Variants in CHD9 observed in about 807,000 individuals in gnomAD.
CHD9 encodes the protein chromodomain helicase DNA binding protein 9, also known as ATP-dependent chromatin remodeler CHD9.
In CHD9, 77 loss-of-function variants were observed where a neutral mutation model predicts 316.1. The ratio of observed to expected loss-of-function variants is 0.24; its 90% CI spans 0.20 to 0.29. The LOEUF is 0.29. Among genes scored for constraint, CHD9 ranks in the 10% least tolerant of loss-of-function variants. CHD9 has a pLI of 1.00. For synonymous variants in CHD9, 1,129 were observed against 1,158.3 expected (o/e 0.97, Z 0.51); for missense variants, 2,763 against 3,438.1 (o/e 0.80, Z 4.91).
intron 22 of CHD9, among the ~76,000 whole-genome samples, chr16:53,269,740 G>C (rs911796667): frequency 3.3e-5 from 5 of 152,026 alleles, no homozygotes; most frequent in Non-Finnish European, 7.4e-5. Context: ...TAAATTATCG[G>C]ATTAGGAGTG....
chr16:53,226,253 G>T, intron 4 of CHD9, 113 bp from the exon 5 acceptor site: 1 of 632,914 alleles, frequency 1.6e-6, no homozygotes, highest in Non-Finnish European at 2.6e-6. Context: ...ATAGTACATT[G>T]AGTGTCATGT....
At chr16:53,192,981 T>G (rs1597371689) in intron 2 of CHD9, among the ~76,000 whole-genome samples, 1 of 152,260 alleles carries the variant, frequency 6.6e-6, no homozygotes, top group East Asian at 1.9e-4. Flanking sequence ...CACTCTCGGG[T>G]AAATATATAA....
At chr16:53,317,985 A>G (rs2057005309) in intron 36 of CHD9, among the ~76,000 whole-genome samples, 1 of 152,124 alleles carries the variant, frequency 6.6e-6, no homozygotes, top group Non-Finnish European at 1.5e-5. Flanking sequence ...TGAGCCTGGG[A>G]TGTGAAGGCT....
At chr16:53,241,575 C>A (rs550853004) in intron 12 of CHD9, among the ~76,000 whole-genome samples, 1 of 152,236 alleles carries the variant, frequency 6.6e-6, no homozygotes, top group South Asian at 2.1e-4. Context: ...AATCAAAATC[C>A]AAAACTACTT....
Position 53,156,172 on chromosome 16 carries a change from T to A in CHD9, c.83T>A (p.Val28Glu). ...GAAGGTTTGTCAGATGATGCATTTG[T>A]ACAACCAGGACCTGTTTCACTAGTT... Reference protein sequence around the residue: ...TLEGLSDDAFVQPGPVSLVDE... With the variant: ...TLEGLSDDAFEQPGPVSLVDE... Residue 28 changes from valine to glutamate, a missense_variant, in exon 2 of 39, where the codon GTA becomes GAA. Transcript: ENST00000447540. The A allele has an allele frequency of 6.2e-7, 1 of 1,613,972 alleles. No individual in the cohort carries two copies.
intron 1 of CHD9, among the ~76,000 whole-genome samples, chr16:53,148,491 A>G (rs937704550): frequency 1.3e-5 from 2 of 152,210 alleles, no homozygotes; most frequent in African/African-American, 2.4e-5. Flanking sequence ...GAGGGTTCCA[A>G]TTTCTTCACA....
chr16:53,178,688 C>T (rs1020815604), intron 2 of CHD9, among the ~76,000 whole-genome samples: 3 of 152,096 alleles, frequency 2.0e-5, no homozygotes, highest in Non-Finnish European at 4.4e-5. Context: ...ATCTTGAACT[C>T]CTGGGCTCAA....
chr16:53,230,132 G>A (rs1246465023), intron 8 of CHD9, among the ~76,000 whole-genome samples: 3 of 152,016 alleles, frequency 2.0e-5, no homozygotes, highest in South Asian at 2.1e-4. Context: ...ATGAAGTTTC[G>A]TCATGATCCA....
At chr16:53,210,687 A>T (rs1333304471) in intron 3 of CHD9, among the ~76,000 whole-genome samples, 1 of 152,094 alleles carries the variant, frequency 6.6e-6, no homozygotes, top group Non-Finnish European at 1.5e-5. Flanking sequence ...AAAAGTCCGC[A>T]ATAAAGAATG....
intron 2 of CHD9, among the ~76,000 whole-genome samples, chr16:53,200,065 GTC>G (rs1418504517): frequency 6.6e-6 from 1 of 151,076 alleles, no homozygotes; most frequent in African/African-American, 2.4e-5. Context: ...GCAAAACCCT[GTC>G]TCTACTAAAA....
Position 53,314,500 on chromosome 16 carries a change from A to G in CHD9, c.7346A>G (p.Asn2449Ser), listed in dbSNP as rs762308367. The G allele has an allele frequency of 1.6e-4, 254 of 1,575,700 alleles. No individual in the cohort carries two copies. The highest frequency in any genetic ancestry group is 2.0e-4 in the Non-Finnish European group (229 of 1,160,156). The part of the protein sequence containing the change: ...EGVDIFFFNR[N>S]KPPNHVSLGL... ...GTTGACATCTTCTTTTTTAACAGAA[A>G]TAAACCACCTAATCATGTAAGTAAA... Residue 2449 changes from asparagine (N) to serine (S), a missense_variant, in exon 35 of 39, where the codon AAT becomes AGT. Physicochemically the swap from Asn to Ser is conservative, Grantham distance 46. This residue lies in a region of CHD9 where 663 missense variants were observed against 751.2 expected (regional missense o/e 0.88). Coordinates refer to ENST00000447540, the MANE Select transcript of CHD9 (RefSeq NM_001308319.2).
intron 4 of CHD9, among the ~76,000 whole-genome samples, chr16:53,224,761 A>G (rs1254701838): frequency 6.6e-6 from 1 of 152,226 alleles, no homozygotes; most frequent in Admixed American, 6.5e-5. Context: ...AATTAAAACT[A>G]TTCTTGAACA....
chr16:53,093,219 T>C (rs1381383176), intron 1 of CHD9, among the ~76,000 whole-genome samples: 1 of 152,238 alleles, frequency 6.6e-6, no homozygotes, highest in East Asian at 1.9e-4. Flanking sequence ...TGCAAATTCA[T>C]ATCACTTTGG....
At chr16:53,114,560 C>CATTATTTTTT (rs2038128745) in intron 1 of CHD9, among the ~76,000 whole-genome samples, 2 of 150,780 alleles carry the variant, frequency 1.3e-5, no homozygotes, top group East Asian at 3.9e-4. Context: ...GCCTGGCCAG[C>CATTATTTTTT]ATTATTTTTT....
At chr16:53,236,821 C>T (rs1415169364) in intron 11 of CHD9, among the ~76,000 whole-genome samples, 1 of 152,118 alleles carries the variant, frequency 6.6e-6, no homozygotes, top group East Asian at 1.9e-4. Context: ...CCTAGCTCTG[C>T]AGTACCTGTG....
intron 2 of CHD9, among the ~76,000 whole-genome samples, chr16:53,167,239 T>C (rs890580443): frequency 6.6e-6 from 1 of 152,210 alleles, no homozygotes; most frequent in Non-Finnish European, 1.5e-5. Context: ...AAAATGTAAC[T>C]TTACTGTACC....
At position 53,268,257 on chromosome 16, in the gene CHD9, A is replaced by T. The variant is rs1050066399; in HGVS notation, c.4717+131A>T. The T allele has an allele frequency of 4.6e-6, 3 of 656,868 alleles. No homozygotes were observed. In the African/African-American group the frequency reaches 5.5e-5, roughly 12 times the overall value. 40.7% of individuals were successfully genotyped at this position (656,868 alleles called of 1,614,324 possible). A position where few individuals can be genotyped will look rare whatever the true frequency, so the allele number is the denominator to read the frequency against. On this transcript the variant is annotated intron_variant, in intron 22 of 38. Transcript: ENST00000447540. ...AACCTTAACCTTCACTCCCAATTCA[A>T]GTTCCAGCTTCAGAAAATGCCAGTG...
intron 37 of CHD9, among the ~76,000 whole-genome samples, chr16:53,320,254 C>CTCAT (rs1470782333): frequency 6.7e-6 from 1 of 150,172 alleles, no homozygotes; most frequent in Non-Finnish European, 1.5e-5. Context: ...GGGTGCAGTG[C>CTCAT]TCAGGCCTGT....
chr16:53,080,342 A>G (rs1596906236), intron 1 of CHD9, among the ~76,000 whole-genome samples: 1 of 152,156 alleles, frequency 6.6e-6, no homozygotes, highest in Non-Finnish European at 1.5e-5. Context: ...AGGCATACGC[A>G]AGGTGCGGCA....
Sources: allele counts gnomAD v4.1 joint callset (sites outside exome capture counted in the v4.1 genomes callset), GRCh38; gene constraint gnomAD v4.1.1; regional missense constraint gnomAD v4.1.1; transcripts MANE v1.5; gene names NCBI Gene and HGNC (gene_info 2026-07-23, HGNC 2026-07-21).